Variants in APP observed in about 807,000 individuals in gnomAD.
APP encodes the protein amyloid beta precursor protein, also known as amyloid-beta precursor protein.
In APP, 31 loss-of-function variants were observed where a neutral mutation model predicts 101.4. The ratio of observed to expected loss-of-function variants is 0.31; its 90% CI spans 0.23 to 0.41. The LOEUF (loss-of-function observed/expected upper bound fraction) is 0.41, where lower values mean the gene tolerates loss of function less well. Among genes scored for constraint, APP ranks in the 10% least tolerant of loss-of-function variants. The pLI is 1.00. For missense variants in APP, 839 were observed against 1,003.7 expected (o/e 0.84, Z 2.22); for synonymous variants, 366 against 364.4 (o/e 1.00, Z -0.05).
intron 1 of APP, among the ~76,000 whole-genome samples, chr21:26,151,712 GCTC>G (rs1322143119): frequency 2.0e-5 from 3 of 152,180 alleles, no homozygotes; most frequent in African/African-American, 7.2e-5. Flanking sequence ...TAGGGTTTGC[GCTC>G]CTATGAGCAT....
At chr21:25,994,896 T>C (rs1380416653) in intron 8 of APP, among the ~76,000 whole-genome samples, 1 of 148,722 alleles carries the variant, frequency 6.7e-6, no homozygotes, top group African/African-American at 2.6e-5. Flanking sequence ...ATTATATGTT[T>C]TTTTCCTTGT....
intron 3 of APP, among the ~76,000 whole-genome samples, chr21:26,077,292 C>T (rs1323008531): frequency 2.0e-5 from 3 of 152,014 alleles, no homozygotes; most frequent in African/African-American, 4.8e-5. Flanking sequence ...CTGATTTTTC[C>T]GCTGTAGGTC....
At chr21:25,947,571 T>C (rs1169944903) in intron 13 of APP, among the ~76,000 whole-genome samples, 3 of 152,226 alleles carry the variant, frequency 2.0e-5, no homozygotes, top group African/African-American at 7.2e-5. Context: ...GGGTCAAAGA[T>C]ATACATTTAG....
intron 1 of APP, among the ~76,000 whole-genome samples, chr21:26,155,273 T>C (rs1440448763): frequency 1.3e-5 from 2 of 152,076 alleles, no homozygotes; most frequent in Non-Finnish European, 2.9e-5. Flanking sequence ...CTCAAAAAAA[T>C]AGTAATAATA....
intron 8 of APP, among the ~76,000 whole-genome samples, chr21:25,988,948 G>A (rs1262119883): frequency 6.6e-6 from 1 of 151,988 alleles, no homozygotes; most frequent in Non-Finnish European, 1.5e-5. Flanking sequence ...TCACAATACT[G>A]CCACTTCACA....
At chr21:26,009,888 A>G in intron 6 of APP, 1 of 175,290 alleles carries the variant, frequency 5.7e-6, no homozygotes. Flanking sequence ...GTGCCTGGCC[A>G]GAATGTACTT....
At chr21:26,105,367 C>T (rs1331054589) in intron 2 of APP, among the ~76,000 whole-genome samples, 1 of 151,914 alleles carries the variant, frequency 6.6e-6, no homozygotes, top group Non-Finnish European at 1.5e-5. Flanking sequence ...AGTATGGCAA[C>T]AGAGGAGATG....
At chr21:25,965,848 A>T (rs45458798) in intron 11 of APP, among the ~76,000 whole-genome samples, 45 of 152,346 alleles carry the variant, frequency 3.0e-4, no homozygotes, top group Non-Finnish European at 5.7e-4. Flanking sequence ...ATTCTCAAAG[A>T]TAAAATGAAC....
At chr21:25,981,816 G>T (rs2146598980) in intron 9 of APP, among the ~76,000 whole-genome samples, 1 of 143,824 alleles carries the variant, frequency 7.0e-6, no homozygotes, top group Non-Finnish European at 1.5e-5. Context: ...CACTGATTTT[G>T]CTTTGTGCTA....
At chr21:26,086,778 A>G (rs2061714286) in intron 3 of APP, among the ~76,000 whole-genome samples, 1 of 152,150 alleles carries the variant, frequency 6.6e-6, no homozygotes, top group Non-Finnish European at 1.5e-5. Context: ...GATAGCTGTG[A>G]GTTTCTTTTT....
At chr21:26,014,867 G>A (rs1021372533) in intron 6 of APP, among the ~76,000 whole-genome samples, 9 of 152,118 alleles carry the variant, frequency 5.9e-5, no homozygotes, top group African/African-American at 1.9e-4. Flanking sequence ...CACATGAGAC[G>A]GTGAAAGAGC....
intron 3 of APP, among the ~76,000 whole-genome samples, chr21:26,060,401 T>C (rs956689996): frequency 1.3e-5 from 2 of 152,214 alleles, no homozygotes; most frequent in Non-Finnish European, 2.9e-5. Flanking sequence ...TGGTCCTGGC[T>C]GGGAGGGGGT....
At position 26,123,250 on chromosome 21, in the gene APP, T is replaced by C. The variant is rs45577335; in HGVS notation, c.58-11104A>G. On this transcript the variant is annotated intron_variant, in intron 1 of 17. Transcript: ENST00000346798. ...CTCATCAGCCTTTACTGTGTGCTTA[T>C]AACTCTCATACTGTTGTGGTTTTAT... 2.7e-3 allele frequency among the ~76,000 whole-genome samples: 405 copies of C among 152,340 alleles called. 3 individuals are homozygous for C. Among genetic ancestry groups the C allele is most frequent in the Middle Eastern group, 0.01 (3 of 294 alleles).
chr21:26,115,371 A>C (rs1319991052), intron 1 of APP, among the ~76,000 whole-genome samples: 1 of 152,214 alleles, frequency 6.6e-6, no homozygotes, highest in East Asian at 1.9e-4. Flanking sequence ...CAGAGCAATT[A>C]GCTTGGAGAT....
At chr21:25,891,666 C>G in intron 17 of APP, 56 bp downstream of exon 17, 2 of 1,578,788 alleles carry the variant, frequency 1.3e-6, no homozygotes, top group South Asian at 2.2e-5. Flanking sequence ...AAAGCTAAGC[C>G]TAATTCTCTC....
intron 1 of APP, among the ~76,000 whole-genome samples, chr21:26,151,019 T>C (rs556963250): frequency 5.9e-5 from 9 of 152,274 alleles, no homozygotes; most frequent in African/African-American, 2.2e-4. Flanking sequence ...AAATTACATG[T>C]GTCTGGCTGA....
chr21:26,107,014 T>C (rs1364693798), intron 2 of APP, among the ~76,000 whole-genome samples: 3 of 152,214 alleles, frequency 2.0e-5, no homozygotes, highest in Non-Finnish European at 2.9e-5. Context: ...TGTCCTAGCA[T>C]TGAAATGCAG....
At chr21:25,975,549 T>A (rs959994454) in intron 10 of APP, among the ~76,000 whole-genome samples, 2 of 148,882 alleles carry the variant, frequency 1.3e-5, no homozygotes, top group Non-Finnish European at 2.9e-5. Flanking sequence ...AAAAAATCCC[T>A]CTCTTACTAA....
At chr21:26,114,994 A>T (rs539301917) in intron 1 of APP, among the ~76,000 whole-genome samples, 1 of 152,292 alleles carries the variant, frequency 6.6e-6, no homozygotes, top group African/African-American at 2.4e-5. Flanking sequence ...TTACGGCGCT[A>T]TAACTGTCTC....
Sources: allele counts gnomAD v4.1 joint callset (sites outside exome capture counted in the v4.1 genomes callset), GRCh38; gene constraint gnomAD v4.1.1; transcripts MANE v1.5; gene names NCBI Gene and HGNC (gene_info 2026-07-23, HGNC 2026-07-21).